DNAJC1: variants seen among roughly 807,000 people sequenced by gnomAD.
DNAJC1 encodes the protein DnaJ heat shock protein family (Hsp40) member C1, also known as dnaJ homolog subfamily C member 1.
DNAJC1 carries 58 observed loss-of-function variants against 76.6 expected under a neutral mutation model. The observed-to-expected ratio is 0.76, with a 90% CI of 0.61 to 0.94. The LOEUF is 0.94. Ranked by LOEUF, DNAJC1 falls within the 40% of genes least tolerant of loss-of-function variation. The pLI is 0.00. For missense variants in DNAJC1, 689 were observed against 677.3 expected (o/e 1.02, Z -0.19); for synonymous variants, 258 against 267.9 (o/e 0.96, Z 0.36).
chr10:21,868,740 C>T (rs1444841140), intron 8 of DNAJC1, among the ~76,000 whole-genome samples: 1 of 151,832 alleles, frequency 6.6e-6, no homozygotes, highest in Non-Finnish European at 1.5e-5. Context: ...CTCCCCAAAC[C>T]AAATTTATGG....
chr10:21,816,441 C>T (rs1835077825), intron 8 of DNAJC1, among the ~76,000 whole-genome samples: 1 of 150,404 alleles, frequency 6.6e-6, no homozygotes, highest in Non-Finnish European at 1.5e-5. Flanking sequence ...GGTGCAGTGG[C>T]TCATGCCTGT....
Position 22,003,430 on chromosome 10 carries a change from G to T in DNAJC1, c.5C>A (p.Thr2Lys), listed in dbSNP as rs753029028. 6 of 1,363,794 alleles carry T rather than the reference G, an allele frequency of 4.4e-6. No homozygotes were observed. The South Asian group carries it at 1.1e-4, about 26-fold the overall frequency. 84.5% of individuals were successfully genotyped at this position (1,363,794 alleles called of 1,614,324 possible). The change falls in exon 1 of 12, where the codon ACG (threonine) becomes AAG (lysine). Residue 2 changes from threonine (T) to lysine (K), a missense_variant. Thr to Lys is a moderately conservative substitution (Grantham distance 78). Coordinates refer to ENST00000376980, the MANE Select transcript of DNAJC1 (RefSeq NM_022365.4). MTAPCSQPAQLP... is the reference protein window; with the variant it reads MKAPCSQPAQLP... The stretch of plus-strand genomic sequence containing the variant: ...CTGCGCCGGCTGGGAGCAAGGAGCC[G>T]TCATCGCGCTGGGCTCGGAAAGGTC...
chr10:21,915,916 G>A (rs1321158908), intron 6 of DNAJC1, among the ~76,000 whole-genome samples: 2 of 151,758 alleles, frequency 1.3e-5, no homozygotes, highest in East Asian at 3.9e-4. Flanking sequence ...GCTGAGGTGG[G>A]GGGATCACTT....
chr10:21,803,151 A>G (rs1834832685), intron 9 of DNAJC1, among the ~76,000 whole-genome samples: 2 of 152,234 alleles, frequency 1.3e-5, no homozygotes, highest in Non-Finnish European at 2.9e-5. Context: ...CTGTAATCCG[A>G]CAACCCAAAT....
At chr10:21,873,108 C>T (rs368908820) in intron 8 of DNAJC1, among the ~76,000 whole-genome samples, 34 of 152,114 alleles carry the variant, frequency 2.2e-4, no homozygotes, top group African/African-American at 8.2e-4. Context: ...TCACGTACCC[C>T]CTGCTTGCTC....
chr10:21,883,076 C>G (rs573039883), intron 7 of DNAJC1, among the ~76,000 whole-genome samples: 7 of 152,106 alleles, frequency 4.6e-5, no homozygotes, highest in Admixed American at 2.0e-4. Flanking sequence ...ATGGCAAAAC[C>G]CTTCTTCTAC....
chr10:21,997,577 G>T (rs1422740426), intron 1 of DNAJC1, among the ~76,000 whole-genome samples: 3 of 152,192 alleles, frequency 2.0e-5, no homozygotes, highest in Non-Finnish European at 4.4e-5. Context: ...CACCGCCATG[G>T]TAAGATGTTA....
intron 8 of DNAJC1, among the ~76,000 whole-genome samples, chr10:21,857,852 C>T (rs1437970732): frequency 6.6e-6 from 1 of 150,990 alleles, no homozygotes; most frequent in African/African-American, 2.4e-5. Context: ...AAGGCTCCGT[C>T]TCAAAAAAAC....
chr10:21,821,114 C>T (rs1835151812), intron 8 of DNAJC1, among the ~76,000 whole-genome samples: 1 of 152,170 alleles, frequency 6.6e-6, no homozygotes, highest in East Asian at 1.9e-4. Context: ...CTCTGTGCAG[C>T]ATTCCTTCCT....
intron 8 of DNAJC1, among the ~76,000 whole-genome samples, chr10:21,850,385 T>C (rs527300823): frequency 1.3e-5 from 2 of 151,974 alleles, no homozygotes; most frequent in Non-Finnish European, 2.9e-5. Flanking sequence ...CAGAATAAAA[T>C]ACTTAGGAAT....
chr10:22,003,637 G>A lies in DNAJC1; in HGVS notation c.-203C>T. The A allele has an allele frequency of 4.1e-6, 2 of 489,286 alleles. No individual in the cohort carries two copies. 30.3% of individuals were successfully genotyped at this position (489,286 alleles called of 1,614,324 possible). ...TGCCGGACGGGCGGGTGGGTAGGCG[G>A]GCGGGGCCGCAGCCAGCGCTACGTT... On this transcript the variant is annotated 5_prime_UTR_variant, in exon 1 of 12. Transcript: ENST00000376980.
At chr10:21,797,003 A>G (rs1834757054) in intron 9 of DNAJC1, among the ~76,000 whole-genome samples, 1 of 152,094 alleles carries the variant, frequency 6.6e-6, no homozygotes, top group Non-Finnish European at 1.5e-5. Flanking sequence ...TTGGTGTTAT[A>G]ATCCAATAAA....
rs184405534 is a variant in DNAJC1 at position 22,000,207 on chromosome 10, A to G, written c.222+3006T>C. Reference sequence around the variant, plus strand: ...TTGAAATTCAATCCAGAATCTGACCATTTTGCACCACCTCCACTGCTACCA... The same window carrying G: ...TTGAAATTCAATCCAGAATCTGACCGTTTTGCACCACCTCCACTGCTACCA... On this transcript the variant is annotated intron_variant, in intron 1 of 11. Coordinates refer to ENST00000376980, the MANE Select transcript of DNAJC1 (RefSeq NM_022365.4). Among the ~76,000 whole-genome samples, 338 of 152,258 alleles carry G rather than the reference A, an allele frequency of 2.2e-3. 3 individuals are homozygous for G. The highest frequency in any genetic ancestry group is 7.7e-3 in the African/African-American group (322 of 41,552).
At chr10:21,948,622 T>C (rs1837544976) in intron 1 of DNAJC1, among the ~76,000 whole-genome samples, 1 of 152,214 alleles carries the variant, frequency 6.6e-6, no homozygotes, top group Admixed American at 6.5e-5. Context: ...TAACTTTTAT[T>C]ATAGTATATT....
intron 1 of DNAJC1, among the ~76,000 whole-genome samples, chr10:21,957,823 T>C (rs1837716473): frequency 1.3e-5 from 2 of 152,234 alleles, no homozygotes; most frequent in Non-Finnish European, 2.9e-5. Context: ...TTTTTAAAAA[T>C]GTGCTTACTT....
At chr10:21,999,761 C>T (rs1025717343) in intron 1 of DNAJC1, among the ~76,000 whole-genome samples, 2 of 152,074 alleles carry the variant, frequency 1.3e-5, no homozygotes, top group Non-Finnish European at 2.9e-5. Context: ...CTCCTTGACT[C>T]TTAAAGTCTG....
chr10:21,914,287 C>T (rs1432934473), intron 6 of DNAJC1, among the ~76,000 whole-genome samples: 6 of 152,140 alleles, frequency 3.9e-5, no homozygotes, highest in Admixed American at 3.9e-4. Context: ...ATAATTCTCC[C>T]AATATCCTTC....
In DNAJC1 at chr10:21,882,436, T is replaced by C; in HGVS notation, c.824A>G (p.Gln275Arg). The change falls in exon 8 of 12, where the codon CAG (glutamine) becomes CGG (arginine). Residue 275 changes from glutamine to arginine, a missense_variant. Coordinates refer to ENST00000376980, the MANE Select transcript of DNAJC1 (RefSeq NM_022365.4). ...AGGTTTTGGTTTTTTAACTTTCTTC[T>C]GTTCTAAAAAATGTTTAAAAGAACC... ...TRTELETLQKQKKVKKPKPEF... is the reference protein window; with the variant it reads ...TRTELETLQKRKKVKKPKPEF... 8 of 1,485,722 alleles carry C rather than the reference T, an allele frequency of 5.4e-6. No individual in the cohort carries two copies. The highest frequency in any genetic ancestry group is 7.2e-6 in the Non-Finnish European group (8 of 1,117,082). The allele number at this position is 1,485,722 out of a possible 1,614,324, so 92.0% of individuals were successfully genotyped here.
chr10:21,782,087 A>T (rs926781118), intron 9 of DNAJC1, among the ~76,000 whole-genome samples: 1 of 152,244 alleles, frequency 6.6e-6, no homozygotes, highest in African/African-American at 2.4e-5. Flanking sequence ...ATCCTTCAAA[A>T]AAATCAATGA....
Sources: allele counts gnomAD v4.1 joint callset (sites outside exome capture counted in the v4.1 genomes callset), GRCh38; gene constraint gnomAD v4.1.1; transcripts MANE v1.5; gene names NCBI Gene and HGNC (gene_info 2026-07-23, HGNC 2026-07-21).